Variants in ADGRA3 observed in about 807,000 individuals in gnomAD.
ADGRA3 encodes the protein G-protein coupled receptor 125.
ADGRA3 carries 56 observed loss-of-function variants against 119.8 expected under a neutral mutation model. That is an observed-to-expected ratio of 0.47 (90% CI 0.38 to 0.58). The LOEUF (loss-of-function observed/expected upper bound fraction) is 0.58, where lower values mean the gene tolerates loss of function less well. ADGRA3 is among the 20% of genes least tolerant of loss of function. The probability of loss-of-function intolerance (pLI) is 0.00; values close to 1 mark genes in which losing one functional copy is unlikely to be tolerated. For missense variants in ADGRA3, 1,516 were observed against 1,649.0 expected (o/e 0.92, Z 1.40); for synonymous variants, 607 against 623.8 (o/e 0.97, Z 0.40).
chr4:22,469,943 C>T (rs558249626), intron 2 of ADGRA3, among the ~76,000 whole-genome samples: 178 of 152,302 alleles, frequency 1.2e-3, no homozygotes, highest in African/African-American at 4.1e-3. Flanking sequence ...TCTTTATCCA[C>T]AGTACTTGAG....
chr4:22,435,199 C>T (rs143917322), intron 10 of ADGRA3, 112 bp downstream of exon 10: 3 of 919,594 alleles, frequency 3.3e-6, no homozygotes, highest in Non-Finnish European at 5.0e-6. Context: ...TAAAAGCATG[C>T]TTTTAGCTCA....
At chr4:22,435,221 C>T in intron 10 of ADGRA3, 90 bp downstream of exon 10, 1 of 1,079,828 alleles carries the variant, frequency 9.3e-7, no homozygotes. Flanking sequence ...ATATGATAAA[C>T]ATAAACAGGC....
intron 3 of ADGRA3, among the ~76,000 whole-genome samples, chr4:22,459,566 C>A (rs184131521): frequency 7.9e-5 from 12 of 151,966 alleles, no homozygotes; most frequent in Non-Finnish European, 1.3e-4. Context: ...ACATTTAAGT[C>A]ATGGCATAAT....
Position 22,471,222 on chromosome 4 carries a change from A to G in ADGRA3, c.329+2550T>C, listed in dbSNP as rs1019739886. ...AAACTAACACAGGAACAGAAAACCAACTACCTTATGTTCCCACTTATAAGG... is the reference window on the plus strand; with the variant it reads ...AAACTAACACAGGAACAGAAAACCAGCTACCTTATGTTCCCACTTATAAGG... On this transcript the variant is annotated intron_variant, in intron 2 of 18. Coordinates refer to ENST00000334304, the MANE Select transcript of ADGRA3 (RefSeq NM_145290.4). Among the ~76,000 whole-genome samples, 8 of 152,208 alleles carry G rather than the reference A, an allele frequency of 5.3e-5. 1 individual carries two copies. Among genetic ancestry groups the G allele is most frequent in the Admixed American group, 1.3e-4 (2 of 15,294 alleles).
chr4:22,450,947 AAAAAAT>A (rs1371714431), intron 4 of ADGRA3, among the ~76,000 whole-genome samples: 82 of 134,274 alleles, frequency 6.1e-4, no homozygotes, highest in African/African-American at 1.5e-3. Context: ...AAAAAAAAAA[AAAAAAT>A]ATATATATAT....
chr4:22,440,100 C>A (rs550752268), intron 7 of ADGRA3, among the ~76,000 whole-genome samples: 1 of 152,292 alleles, frequency 6.6e-6, no homozygotes, highest in South Asian at 2.1e-4. Flanking sequence ...TCTTGTTCTA[C>A]AATGACTTTT....
chr4:22,515,294 C>T (rs1189637012), intron 1 of ADGRA3: 2 of 381,736 alleles, frequency 5.2e-6, no homozygotes, highest in East Asian at 9.5e-5. Context: ...GCCTGAGAAC[C>T]CGAAAACTTT....
chr4:22,477,884 C>T (rs16872728), intron 1 of ADGRA3, among the ~76,000 whole-genome samples: 42,642 of 151,994 alleles, frequency 0.28, 6,343 homozygotes, highest in African/African-American at 0.37. Context: ...ACAGCTTTTA[C>T]ACTCAATTTT....
At chr4:22,390,815 A>C (rs1212075298) in intron 17 of ADGRA3, among the ~76,000 whole-genome samples, 4 of 152,132 alleles carry the variant, frequency 2.6e-5, no homozygotes, top group South Asian at 2.1e-4. Context: ...CCTTTTCCTT[A>C]ACTCTTTATC....
intron 3 of ADGRA3, among the ~76,000 whole-genome samples, chr4:22,461,058 T>C (rs552063686): frequency 1.4e-4 from 22 of 152,332 alleles, no homozygotes; most frequent in Non-Finnish European, 2.2e-4. Flanking sequence ...TTGTAATATA[T>C]AGATACACAT....
chr4:22,391,023 T>C (rs1051874045), intron 17 of ADGRA3, among the ~76,000 whole-genome samples: 3 of 152,196 alleles, frequency 2.0e-5, no homozygotes, highest in Non-Finnish European at 4.4e-5. Flanking sequence ...CCACAAATCA[T>C]CCATGTTCTC....
intron 14 of ADGRA3, 72 bp downstream of exon 14, chr4:22,413,110 T>C: frequency 9.0e-7 from 1 of 1,107,434 alleles, no homozygotes; most frequent in Non-Finnish European, 1.3e-6. Context: ...AAAAAAACAC[T>C]TCATTTGAGC....
At chr4:22,507,825 G>A (rs1418825827) in intron 1 of ADGRA3, among the ~76,000 whole-genome samples, 1 of 152,206 alleles carries the variant, frequency 6.6e-6, no homozygotes, top group Non-Finnish European at 1.5e-5. Context: ...GTCTATGCGT[G>A]TGTGTTTGCC....
chr4:22,457,252 T>C (rs1717270424), intron 3 of ADGRA3, among the ~76,000 whole-genome samples: 1 of 152,218 alleles, frequency 6.6e-6, no homozygotes, highest in African/African-American at 2.4e-5. Context: ...AGAAAGCCAC[T>C]TCAACTTCCT....
chr4:22,461,842 C>T (rs1167956469), intron 2 of ADGRA3, 34 bp from the exon 3 acceptor site: 1 of 1,314,348 alleles, frequency 7.6e-7, no homozygotes, highest in Non-Finnish European at 1.1e-6. Flanking sequence ...ATTCACATAT[C>T]AACACTGCAA....
At chr4:22,484,623 C>T (rs540620896) in intron 1 of ADGRA3, among the ~76,000 whole-genome samples, 22 of 145,866 alleles carry the variant, frequency 1.5e-4, no homozygotes, top group Middle Eastern at 3.7e-3. Context: ...AAAAAAAAAG[C>T]GTAAGCAGCT....
At chr4:22,403,903 G>A (rs1384415991) in intron 14 of ADGRA3, among the ~76,000 whole-genome samples, 1 of 152,126 alleles carries the variant, frequency 6.6e-6, no homozygotes, top group Non-Finnish European at 1.5e-5. Context: ...AAAAACTGAG[G>A]CACAGAAAAT....
At chr4:22,399,212 G>A (rs1270825186) in intron 16 of ADGRA3, among the ~76,000 whole-genome samples, 1 of 152,110 alleles carries the variant, frequency 6.6e-6, no homozygotes, top group East Asian at 1.9e-4. Context: ...CTGACTTGTT[G>A]TGATGTTCTC....
chr4:22,406,181 G>A (rs911917389), intron 14 of ADGRA3, among the ~76,000 whole-genome samples: 1 of 152,130 alleles, frequency 6.6e-6, no homozygotes, highest in African/African-American at 2.4e-5. Context: ...ACTCCTTGGT[G>A]TATATATACC....
Sources: allele counts gnomAD v4.1 joint callset (sites outside exome capture counted in the v4.1 genomes callset), GRCh38; gene constraint gnomAD v4.1.1; transcripts MANE v1.5; gene names NCBI Gene and HGNC (gene_info 2026-07-23, HGNC 2026-07-21).